CPED1: variants seen among roughly 807,000 people sequenced by gnomAD.
CPED1 encodes cadherin-like and PC-esterase domain-containing protein 1.
In CPED1, 114 loss-of-function variants were observed where a neutral mutation model predicts 128.2. The ratio of observed to expected loss-of-function variants is 0.89; its 90% CI spans 0.76 to 1.04. The LOEUF (loss-of-function observed/expected upper bound fraction) is 1.04, where lower values mean the gene tolerates loss of function less well. CPED1 is among the 50% of genes least tolerant of loss of function. CPED1 has a pLI of 0.00. For missense variants in CPED1, 1,211 were observed against 1,207.1 expected, an observed-to-expected ratio of 1.00 and a Z score of -0.05; for synonymous variants, 462 against 426.7, an observed-to-expected ratio of 1.08 and a Z score of -1.02.
chr7:121,211,414 G>A (rs1208044593), intron 16 of CPED1, among the ~76,000 whole-genome samples: 3 of 152,058 alleles, frequency 2.0e-5, no homozygotes, highest in African/African-American at 7.2e-5. Flanking sequence ...AACACAGTTG[G>A]CCTTTTAAAG....
intron 17 of CPED1, among the ~76,000 whole-genome samples, chr7:121,241,026 A>AAGAT (rs1039754326): frequency 1.3e-5 from 2 of 152,154 alleles, no homozygotes; most frequent in African/African-American, 4.8e-5. Context: ...ATTAGAAAGC[A>AAGAT]AGATATATTC....
At chr7:121,028,587 C>T (rs77422769) in intron 3 of CPED1, among the ~76,000 whole-genome samples, 1 of 152,140 alleles carries the variant, frequency 6.6e-6, no homozygotes, top group Non-Finnish European at 1.5e-5. Flanking sequence ...ACACACCGAA[C>T]TTTCTGGAAG....
At chr7:121,147,643 C>T (rs533759366) in intron 16 of CPED1, among the ~76,000 whole-genome samples, 1 of 151,956 alleles carries the variant, frequency 6.6e-6, no homozygotes. Context: ...TCTATGGTAT[C>T]ATATACATTT....
intron 3 of CPED1, among the ~76,000 whole-genome samples, chr7:121,020,865 G>T (rs906583330): frequency 8.6e-5 from 13 of 151,838 alleles, no homozygotes; most frequent in African/African-American, 2.7e-4. Context: ...TTCAAAGGGA[G>T]TATTGAGTAA....
intron 7 of CPED1, 51 bp downstream of exon 7, chr7:121,100,145 T>G (rs764504558): frequency 7.1e-6 from 11 of 1,545,992 alleles, no homozygotes; most frequent in Non-Finnish European, 1.8e-6. Flanking sequence ...TGAAGTAAAG[T>G]AAAGTGAGTT....
rs557685947 is a variant in CPED1 at position 121,271,678 on chromosome 7, G to A, written c.2868+248G>A. ...AAAACTAGAACAATTGGTCAATGGA[G>A]GCAGGAATATGGGAACCTGGAGAGC... On this transcript the variant is annotated intron_variant, in intron 22 of 22. Transcript: ENST00000310396. Among the ~76,000 whole-genome samples, 12 of 152,174 alleles carry A rather than the reference G, an allele frequency of 7.9e-5. No homozygotes were observed. In the South Asian group the frequency reaches 1.7e-3, roughly 21 times the overall value.
chr7:121,282,983 T>C (rs1308827493), intron 22 of CPED1, among the ~76,000 whole-genome samples: 13 of 152,214 alleles, frequency 8.5e-5, no homozygotes. Flanking sequence ...AGATACAGAA[T>C]CATTTTGTTT....
intron 16 of CPED1, among the ~76,000 whole-genome samples, chr7:121,150,240 C>A (rs1377108094): frequency 1.3e-5 from 2 of 150,648 alleles, no homozygotes; most frequent in African/African-American, 4.9e-5. Context: ...TCTATCATTG[C>A]CATCTTCATG....
At chr7:121,279,206 A>G (rs1442890612) in intron 22 of CPED1, among the ~76,000 whole-genome samples, 1 of 152,104 alleles carries the variant, frequency 6.6e-6, no homozygotes, top group Non-Finnish European at 1.5e-5. Flanking sequence ...TGGTTAGCTT[A>G]GTGTGACCCA....
intron 2 of CPED1, among the ~76,000 whole-genome samples, chr7:121,007,061 C>T (rs1222117104): frequency 6.6e-6 from 1 of 152,006 alleles, no homozygotes; most frequent in Non-Finnish European, 1.5e-5. Context: ...TAGGAGAAAA[C>T]ACTGTCCTTG....
intron 16 of CPED1, among the ~76,000 whole-genome samples, chr7:121,177,421 T>C (rs1435287688): frequency 1.3e-5 from 2 of 152,048 alleles, no homozygotes; most frequent in Non-Finnish European, 2.9e-5. Flanking sequence ...GTCAATTTTG[T>C]ACAAGTTCCT....
At chr7:121,265,465 T>C (rs1792104042) in intron 18 of CPED1, among the ~76,000 whole-genome samples, 1 of 152,088 alleles carries the variant, frequency 6.6e-6, no homozygotes, top group Non-Finnish European at 1.5e-5. Context: ...GAGGAACCTG[T>C]AGGATTATGT....
intron 18 of CPED1, chr7:121,261,538 A>G: frequency 6.5e-7 from 1 of 1,529,276 alleles, no homozygotes; most frequent in Non-Finnish European, 8.9e-7. Flanking sequence ...CATGAGACTG[A>G]GTTCTAACCA....
At chr7:121,232,576 G>C (rs1049101268) in intron 16 of CPED1, among the ~76,000 whole-genome samples, 5 of 152,078 alleles carry the variant, frequency 3.3e-5, no homozygotes, top group African/African-American at 1.2e-4. Context: ...GGCTAAGAGT[G>C]AATTTATCTC....
At chr7:121,240,065 GAA>G (rs773358164) in intron 17 of CPED1, among the ~76,000 whole-genome samples, 12 of 152,134 alleles carry the variant, frequency 7.9e-5, no homozygotes, top group Non-Finnish European at 7.4e-5. Flanking sequence ...TAAATAAAAG[GAA>G]TTGTTAACCA....
intron 16 of CPED1, among the ~76,000 whole-genome samples, chr7:121,168,462 G>A (rs750813853): frequency 6.6e-6 from 1 of 152,012 alleles, no homozygotes; most frequent in Non-Finnish European, 1.5e-5. Flanking sequence ...TTTTTAAATT[G>A]TTGTGGGTAT....
rs139388509 is a variant in CPED1 at position 121,001,139 on chromosome 7, T to C, written c.249+11269T>C. ...CTTCGGTACATTTTGCTCAGGTAAA[T>C]GTTTGAAGCTACTTGTCCACTTTCC... On this transcript the variant is annotated intron_variant, in intron 2 of 22. Coordinates refer to ENST00000310396, the MANE Select transcript of CPED1 (RefSeq NM_024913.5). Among the ~76,000 whole-genome samples, 289 of 152,274 alleles carry C rather than the reference T, an allele frequency of 1.9e-3. 2 individuals carry two copies. Among genetic ancestry groups the C allele is most frequent in the African/African-American group, 6.7e-3 (277 of 41,580 alleles).
intron 22 of CPED1, among the ~76,000 whole-genome samples, chr7:121,282,250 C>G (rs931545963): frequency 2.0e-5 from 3 of 152,176 alleles, no homozygotes; most frequent in Non-Finnish European, 4.4e-5. Context: ...AGGCCTAAAT[C>G]TTTCACTGAT....
chr7:121,169,982 C>T lies in CPED1; in HGVS notation c.2055+27841C>T, dbSNP rs564274882. 4.6e-5 allele frequency among the ~76,000 whole-genome samples: 7 copies of T among 152,246 alleles called. No individual in the cohort carries two copies. The South Asian group carries it at 1.2e-3, about 27-fold the overall frequency. ...GATCCCCACCTTACACTTAACACTT[C>T]CTTACACCTTACACTTCCCTATTTT... is the stretch of plus-strand genomic sequence containing the variant. On this transcript the variant is annotated intron_variant, in intron 16 of 22. Transcript: ENST00000310396.
Sources: allele counts gnomAD v4.1 joint callset (sites outside exome capture counted in the v4.1 genomes callset), GRCh38; gene constraint gnomAD v4.1.1; transcripts MANE v1.5; gene names NCBI Gene and HGNC (gene_info 2026-07-23, HGNC 2026-07-21).